Variants in EVI5 observed in about 807,000 individuals in gnomAD.
EVI5 encodes ecotropic viral integration site 5 protein homolog.
A neutral mutation model predicts 112.0 loss-of-function variants in EVI5; 73 were observed. The ratio of observed to expected loss-of-function variants is 0.65; its 90% CI spans 0.54 to 0.79. The LOEUF (loss-of-function observed/expected upper bound fraction) is 0.79. Among genes scored for constraint, EVI5 ranks in the 30% least tolerant of loss-of-function variants. The pLI, the probability that EVI5 is intolerant of heterozygous loss-of-function variation, is 0.00. For synonymous variants in EVI5, 305 were observed against 319.9 expected, an observed-to-expected ratio of 0.95 and a Z score of 0.50; for missense variants, 900 against 968.8, an observed-to-expected ratio of 0.93 and a Z score of 0.94.
chr1:92,771,508 T>C (rs1202805572), intron 1 of EVI5, among the ~76,000 whole-genome samples: 2 of 152,096 alleles, frequency 1.3e-5, no homozygotes, highest in Non-Finnish European at 2.9e-5. Context: ...TCACCCCATA[T>C]ATCAAGTCTA....
intron 5 of EVI5, among the ~76,000 whole-genome samples, chr1:92,700,167 T>A (rs1188604724): frequency 1.3e-5 from 2 of 152,202 alleles, no homozygotes; most frequent in Non-Finnish European, 2.9e-5. Flanking sequence ...GACACTTGAG[T>A]CCTAGAGCAA....
intron 2 of EVI5, among the ~76,000 whole-genome samples, chr1:92,705,521 C>T (rs539209575): frequency 6.6e-6 from 1 of 152,308 alleles, no homozygotes; most frequent in East Asian, 1.9e-4. Context: ...GGCCAGCTAA[C>T]AGCTGCTATT....
At chr1:92,634,544 A>G (rs1658298963) in intron 14 of EVI5, among the ~76,000 whole-genome samples, 1 of 151,920 alleles carries the variant, frequency 6.6e-6, no homozygotes, top group Non-Finnish European at 1.5e-5. Flanking sequence ...TCCTTTAAGG[A>G]CTTCTCTGCA....
chr1:92,541,640 G>A (rs556674285), intron 19 of EVI5, among the ~76,000 whole-genome samples: 38 of 152,120 alleles, frequency 2.5e-4, no homozygotes, highest in African/African-American at 9.2e-4. Flanking sequence ...GAAAACATAC[G>A]TTTATATGGA....
intron 18 of EVI5, among the ~76,000 whole-genome samples, chr1:92,571,109 G>A (rs114070549): frequency 1.3e-5 from 2 of 150,334 alleles, no homozygotes; most frequent in African/African-American, 2.5e-5. Context: ...GGTTTCTTCC[G>A]CAAAACTTTT....
intron 11 of EVI5, among the ~76,000 whole-genome samples, chr1:92,664,498 A>AAAC (rs10683175): frequency 1.3e-5 from 2 of 151,734 alleles, no homozygotes; most frequent in Non-Finnish European, 2.9e-5. Context: ...AAAAAAAAAA[A>AAAC]AACTAAGAAG....
At chr1:92,664,660 T>G (rs1664578810) in intron 11 of EVI5, among the ~76,000 whole-genome samples, 1 of 152,222 alleles carries the variant, frequency 6.6e-6, no homozygotes, top group Non-Finnish European at 1.5e-5. Flanking sequence ...ACAGGGAAAC[T>G]ATTTTTGACT....
intron 2 of EVI5, among the ~76,000 whole-genome samples, chr1:92,719,988 AAGG>A (rs1478111647): frequency 6.6e-6 from 1 of 152,088 alleles, no homozygotes; most frequent in African/African-American, 2.4e-5. Context: ...GGACCTCTTC[AAGG>A]AGAACTACAA....
intron 13 of EVI5, among the ~76,000 whole-genome samples, chr1:92,651,659 G>T (rs1236990540): frequency 1.4e-5 from 2 of 145,960 alleles, no homozygotes; most frequent in Non-Finnish European, 3.0e-5. Flanking sequence ...AGACCATCCC[G>T]GCTAAAACGG....
chr1:92,684,469 T>A (rs1475142130), intron 9 of EVI5, among the ~76,000 whole-genome samples: 1 of 152,086 alleles, frequency 6.6e-6, no homozygotes, highest in East Asian at 1.9e-4. Context: ...TAAAGACCAG[T>A]GACACTGTGA....
intron 18 of EVI5, among the ~76,000 whole-genome samples, chr1:92,571,002 A>G (rs1670245286): frequency 6.6e-6 from 1 of 152,042 alleles, no homozygotes; most frequent in African/African-American, 2.4e-5. Context: ...CACTGTGGAA[A>G]AAAGAATTTC....
At chr1:92,717,994 A>C (rs775487483) in intron 2 of EVI5, among the ~76,000 whole-genome samples, 9 of 152,174 alleles carry the variant, frequency 5.9e-5, no homozygotes, top group Non-Finnish European at 5.9e-5. Flanking sequence ...ACAAGAGCTA[A>C]CTATCCTAAA....
intron 19 of EVI5, among the ~76,000 whole-genome samples, chr1:92,539,555 A>AC (rs2101938401): frequency 1.9e-5 from 1 of 52,364 alleles, no homozygotes; most frequent in East Asian, 1.0e-3. Context: ...AAAAAAAAAA[A>AC]AAAAAAAAAA....
intron 2 of EVI5, among the ~76,000 whole-genome samples, chr1:92,709,620 T>G (rs145695905): frequency 6.6e-6 from 1 of 152,310 alleles, no homozygotes; most frequent in Non-Finnish European, 1.5e-5. Context: ...ATTTTTATAA[T>G]GAAGAAGTCT....
chr1:92,541,804 T>C (rs1469998536), intron 19 of EVI5, among the ~76,000 whole-genome samples: 1 of 152,254 alleles, frequency 6.6e-6, no homozygotes, highest in Non-Finnish European at 1.5e-5. Flanking sequence ...AAAGTTATCT[T>C]TACATTATAC....
In EVI5 at chr1:92,687,254, C is replaced by A. The variant is rs190954589; in HGVS notation, c.1097+6548G>T. ...AACACCACACATCTACAACCATCTG[C>A]TCTTTGACAAACCTGACAAAAACAA... is the stretch of plus-strand genomic sequence containing the variant. On this transcript the variant is annotated intron_variant, in intron 9 of 19. Coordinates refer to ENST00000684568, the MANE Select transcript of EVI5 (RefSeq NM_001350197.2). Among the ~76,000 whole-genome samples, 578 of 152,152 alleles carry A rather than the reference C, an allele frequency of 3.8e-3. 1 individual carries two copies. The highest frequency in any genetic ancestry group is 6.6e-3 in the Non-Finnish European group (452 of 67,980).
intron 13 of EVI5, among the ~76,000 whole-genome samples, chr1:92,657,783 G>A (rs1663264003): frequency 1.3e-5 from 2 of 152,322 alleles, no homozygotes; most frequent in South Asian, 4.1e-4. Flanking sequence ...TCTGCAAGCT[G>A]TACAGGAAGC....
At chr1:92,603,389 T>C (rs949031836) in intron 18 of EVI5, among the ~76,000 whole-genome samples, 1 of 152,182 alleles carries the variant, frequency 6.6e-6, no homozygotes, top group Non-Finnish European at 1.5e-5. Flanking sequence ...CAGAAATTTG[T>C]ACACCTGTAT....
intron 18 of EVI5, among the ~76,000 whole-genome samples, chr1:92,578,198 T>C (rs915811068): frequency 1.3e-5 from 2 of 152,198 alleles, no homozygotes; most frequent in African/African-American, 4.8e-5. Flanking sequence ...CATTGTTATT[T>C]CTCTAGATGC....
Sources: allele counts gnomAD v4.1 joint callset (sites outside exome capture counted in the v4.1 genomes callset), GRCh38; gene constraint gnomAD v4.1.1; transcripts MANE v1.5; gene names NCBI Gene and HGNC (gene_info 2026-07-23, HGNC 2026-07-21).